The following MICU3 variants were observed in gnomAD, a reference collection of about 807,000 sequenced individuals.
The protein encoded by MICU3 is calcium uptake protein 3, mitochondrial.
A neutral mutation model predicts 66.5 loss-of-function variants in MICU3; 62 were observed. The observed-to-expected ratio is 0.93, with a 90% CI of 0.76 to 1.15. The LOEUF (loss-of-function observed/expected upper bound fraction) is 1.15. MICU3 is among the 50% of genes most tolerant of loss of function. The pLI, the probability that MICU3 is intolerant of heterozygous loss-of-function variation, is 0.00. For missense variants in MICU3, 779 were observed against 664.4 expected (o/e 1.17, Z -1.90); for synonymous variants, 308 against 240.7 (o/e 1.28, Z -2.59).
downstream of MICU3, among the ~76,000 whole-genome samples, chr8:17,122,832 G>C (rs141875582): frequency 2.3e-3 from 357 of 152,066 alleles, no homozygotes; most frequent in African/African-American, 7.9e-3. Flanking sequence ...GAGCTATAAG[G>C]CTTCTCAAAG....
chr8:17,040,250 A>G (rs1298900758), intron 1 of MICU3, among the ~76,000 whole-genome samples: 1 of 152,178 alleles, frequency 6.6e-6, no homozygotes, highest in East Asian at 1.9e-4. Flanking sequence ...AGCTTCTTTG[A>G]GGAAGATTTA....
At chr8:17,125,689 T>C (rs997149181), downstream of MICU3, among the ~76,000 whole-genome samples, 2 of 152,116 alleles carry the variant, frequency 1.3e-5, no homozygotes, top group Non-Finnish European at 2.9e-5. Flanking sequence ...AGCCCCTTTC[T>C]TCAGTATGTT....
At chr8:17,134,484 A>T in the MICU3 span, among the ~76,000 whole-genome samples, 2 of 152,058 alleles carry the variant, frequency 1.3e-5, no homozygotes, top group Non-Finnish European at 2.9e-5. Flanking sequence ...TCACTCTGTC[A>T]CTCAGGCTGG....
At position 17,112,816 on chromosome 8, in the gene MICU3, G is replaced by A. The variant is rs569709983; in HGVS notation, c.1258-1277G>A. 1.9e-4 allele frequency among the ~76,000 whole-genome samples: 29 copies of A among 152,278 alleles called. No homozygotes were observed. In the South Asian group the frequency reaches 6.0e-3, roughly 32 times the overall value. ...TCAGACACTGCTGTTATGGCAGCAG[G>A]TCGCAGCATAAACTGGTGCAGAACC... On this transcript the variant is annotated intron_variant, in intron 11 of 14. Transcript: ENST00000318063.
intron 7 of MICU3, among the ~76,000 whole-genome samples, chr8:17,089,682 T>C (rs954484266): frequency 6.6e-6 from 1 of 152,058 alleles, no homozygotes; most frequent in Admixed American, 6.6e-5. Context: ...GTCCTTAACC[T>C]CTCTGTTCCT....
chr8:17,097,672 C>T (rs1403321375), intron 8 of MICU3, among the ~76,000 whole-genome samples: 1 of 151,748 alleles, frequency 6.6e-6, no homozygotes, highest in Non-Finnish European at 1.5e-5. Flanking sequence ...AAAAGACCAC[C>T]TGAGAACCTG....
rs564131490 is a variant in MICU3, at chr8:17,106,842, C to T, written c.1257+1258C>T. Among the ~76,000 whole-genome samples, 96 of 151,910 alleles carry T rather than the reference C, an allele frequency of 6.3e-4. 1 individual carries two copies. The highest frequency in any genetic ancestry group is 4.8e-3 in the South Asian group (23 of 4,822). ...AGCTGAGGCTTTCAGATACTTAGAC[C>T]GTTGTCCAAGGATTCAAATCCAAGG... On this transcript the variant is annotated intron_variant, in intron 11 of 14. Transcript: ENST00000318063.
rs926564777 is a variant in MICU3, at chr8:17,063,623, G to A, written c.382-461G>A. ...ATTACCACTAATGGTTTCCTTAGTG[G>A]TAGTTATAAGTAGCCTATTGGGATT... is the stretch of plus-strand genomic sequence containing the variant. On this transcript the variant is annotated intron_variant, in intron 1 of 14. Transcript: ENST00000318063. 2.0e-5 allele frequency among the ~76,000 whole-genome samples: 3 copies of A among 151,964 alleles called. No individual in the cohort carries two copies. The East Asian group carries it at 5.9e-4, about 30-fold the overall frequency.
intron 12 of MICU3, among the ~76,000 whole-genome samples, 157 bp downstream of exon 12, chr8:17,114,358 G>C (rs1228267875): frequency 1.3e-5 from 2 of 152,134 alleles, no homozygotes; most frequent in Non-Finnish European, 2.9e-5. Context: ...GTACTTGTCA[G>C]AAAACAGCCA....
chr8:17,031,957 C>A (rs1048310984), intron 1 of MICU3, among the ~76,000 whole-genome samples: 3 of 152,178 alleles, frequency 2.0e-5, no homozygotes, highest in Non-Finnish European at 4.4e-5. Flanking sequence ...TGTCTTAGCC[C>A]CTTAAGGAGA....
intron 1 of MICU3, among the ~76,000 whole-genome samples, chr8:17,057,967 C>T (rs1817209343): frequency 6.6e-6 from 1 of 152,080 alleles, no homozygotes; most frequent in African/African-American, 2.4e-5. Flanking sequence ...CCTGCCTCAG[C>T]TCCCCAAGTA....
At chr8:17,067,845 G>A (rs1818954293) in intron 2 of MICU3, among the ~76,000 whole-genome samples, 1 of 151,854 alleles carries the variant, frequency 6.6e-6, no homozygotes, top group Non-Finnish European at 1.5e-5. Flanking sequence ...ATTTTATGAT[G>A]ACATTCAACA....
chr8:17,127,856 C>T, the MICU3 span, among the ~76,000 whole-genome samples: 1 of 142,400 alleles, frequency 7.0e-6, no homozygotes, highest in Non-Finnish European at 1.5e-5. Context: ...TGATTTCTTC[C>T]CTTCAAAAAC....
chr8:17,086,222 G>C (rs1312010275), intron 6 of MICU3, among the ~76,000 whole-genome samples: 1 of 151,992 alleles, frequency 6.6e-6, no homozygotes, highest in African/African-American at 2.4e-5. Context: ...ACCTCTGAAA[G>C]AGCTTCATAT....
chr8:17,074,954 G>A (rs1354309572), intron 3 of MICU3, among the ~76,000 whole-genome samples: 1 of 151,984 alleles, frequency 6.6e-6, no homozygotes, highest in African/African-American at 2.4e-5. Flanking sequence ...AAGTTTCGGG[G>A]CTCCAGGCCA....
chr8:17,039,180 C>G (rs1813600126), intron 1 of MICU3, among the ~76,000 whole-genome samples: 1 of 152,134 alleles, frequency 6.6e-6, no homozygotes, highest in East Asian at 1.9e-4. Context: ...AGACATAATG[C>G]TGTTGCACAC....
intron 8 of MICU3, 46 bp from the exon 9 acceptor site, chr8:17,098,412 G>T: frequency 8.7e-7 from 1 of 1,152,482 alleles, no homozygotes; most frequent in Non-Finnish European, 1.3e-6. Flanking sequence ...ATCATTCTTT[G>T]TAACTATTCT....
chr8:17,117,341 A>C lies in MICU3; in HGVS notation c.1524+741A>C, dbSNP rs968636915. On this transcript the variant is annotated intron_variant, in intron 13 of 14. Transcript: ENST00000318063. The stretch of plus-strand genomic sequence containing the variant: ...TAACTTGATGCTCTTATGTTACTGC[A>C]TAATCATTACTTTTTAATATGAAAA... Among the ~76,000 whole-genome samples the C allele has an allele frequency of 3.3e-5, 5 of 152,298 alleles. No homozygotes were observed. The South Asian group carries it at 6.2e-4, about 19-fold the overall frequency.
At chr8:17,037,109 G>A (rs984135065) in intron 1 of MICU3, among the ~76,000 whole-genome samples, 6 of 152,194 alleles carry the variant, frequency 3.9e-5, no homozygotes, top group Admixed American at 6.5e-5. Flanking sequence ...CGGCTGCTCC[G>A]ACTGCGGGGC....
Sources: gnomAD v4.1 joint callset for allele counts (sites outside exome capture counted in the v4.1 genomes callset) on GRCh38, gnomAD v4.1.1 for gene constraint, MANE v1.5 for transcripts, NCBI Gene and HGNC (gene_info 2026-07-23, HGNC 2026-07-21) for gene names.